Variants in LRMDA observed in about 807,000 individuals in gnomAD.
LRMDA encodes leucine-rich melanocyte differentiation-associated protein.
LRMDA carries 18 observed loss-of-function variants against 29.8 expected under a neutral mutation model. That is an observed-to-expected ratio of 0.60 (90% CI 0.42 to 0.90). The LOEUF (loss-of-function observed/expected upper bound fraction) is 0.90, where lower values mean the gene tolerates loss of function less well. Ranked by LOEUF, LRMDA falls within the 40% of genes least tolerant of loss-of-function variation. The probability of loss-of-function intolerance (pLI) is 0.00; values close to 1 mark genes in which losing one functional copy is unlikely to be tolerated. For synonymous variants in LRMDA, 125 were observed against 109.4 expected, an observed-to-expected ratio of 1.14 and a Z score of -0.89; for missense variants, 273 against 273.9, an observed-to-expected ratio of 1.00 and a Z score of 0.02.
At chr10:76,221,608 T>G (rs867574777) in intron 5 of LRMDA, among the ~76,000 whole-genome samples, 11 of 152,150 alleles carry the variant, frequency 7.2e-5, no homozygotes, top group South Asian at 4.2e-4. Flanking sequence ...ACTGCTCAAT[T>G]AAATAAAAGA....
intron 2 of LRMDA, among the ~76,000 whole-genome samples, chr10:75,667,519 C>T (rs1227734225): frequency 1.3e-5 from 2 of 152,160 alleles, no homozygotes; most frequent in African/African-American, 2.4e-5. Flanking sequence ...AGGTTGGTCT[C>T]AAACTCCTGG....
At chr10:76,105,370 C>T (rs1427266258) in intron 5 of LRMDA, among the ~76,000 whole-genome samples, 1 of 151,912 alleles carries the variant, frequency 6.6e-6, no homozygotes, top group East Asian at 1.9e-4. Flanking sequence ...GTGCCTTCCA[C>T]CCCAGAAGAT....
At chr10:75,581,230 AC>A (rs1402125999) in intron 2 of LRMDA, among the ~76,000 whole-genome samples, 1 of 152,248 alleles carries the variant, frequency 6.6e-6, no homozygotes, top group Non-Finnish European at 1.5e-5. Flanking sequence ...TGAGAAAAAA[AC>A]AACCCCATCA....
At chr10:76,458,581 T>A (rs552761574) in intron 6 of LRMDA, among the ~76,000 whole-genome samples, 16 of 152,294 alleles carry the variant, frequency 1.1e-4, no homozygotes, top group African/African-American at 3.8e-4. Flanking sequence ...CTCTGTCTCT[T>A]GGATGAGAGC....
chr10:75,509,132 T>G (rs1025626287), intron 2 of LRMDA, among the ~76,000 whole-genome samples: 1 of 152,198 alleles, frequency 6.6e-6, no homozygotes, highest in Non-Finnish European at 1.5e-5. Flanking sequence ...TTTAGGGTGG[T>G]GACAGTGGGA....
intron 2 of LRMDA, among the ~76,000 whole-genome samples, chr10:75,597,832 T>C (rs188277980): frequency 3.0e-4 from 46 of 152,232 alleles, no homozygotes; most frequent in African/African-American, 1.1e-3. Flanking sequence ...CTGGGCGCTT[T>C]TATGTTGTTG....
At chr10:75,737,620 T>C (rs564845944) in intron 2 of LRMDA, among the ~76,000 whole-genome samples, 2 of 152,292 alleles carry the variant, frequency 1.3e-5, no homozygotes, top group Admixed American at 1.3e-4. Flanking sequence ...CCTCATTGAC[T>C]CTCCCTTCAC....
At chr10:75,478,390 G>A (rs1336348223) in intron 2 of LRMDA, among the ~76,000 whole-genome samples, 1 of 152,198 alleles carries the variant, frequency 6.6e-6, no homozygotes, top group African/African-American at 2.4e-5. Flanking sequence ...ATTTTTGCCT[G>A]TCAACAGCGA....
chr10:76,194,673 T>C (rs1851303193), intron 5 of LRMDA, among the ~76,000 whole-genome samples: 1 of 152,210 alleles, frequency 6.6e-6, no homozygotes, highest in Non-Finnish European at 1.5e-5. Flanking sequence ...AGTTATTCAC[T>C]GGAAGTGCTC....
intron 2 of LRMDA, among the ~76,000 whole-genome samples, chr10:75,720,137 T>C (rs1215831124): frequency 3.3e-5 from 5 of 152,204 alleles, no homozygotes; most frequent in African/African-American, 1.2e-4. Context: ...GTAATATAGA[T>C]TATTGAGTCT....
chr10:76,189,428 T>C (rs1264565862), intron 5 of LRMDA, among the ~76,000 whole-genome samples: 1 of 152,214 alleles, frequency 6.6e-6, no homozygotes. Context: ...TGTTGGGTAC[T>C]GCACAGCATC....
rs371766970 is a variant in LRMDA, at chr10:75,548,388, T to C, written c.131+109894T>C. 3.9e-5 allele frequency among the ~76,000 whole-genome samples: 6 copies of C among 152,304 alleles called. No individual in the cohort carries two copies. The East Asian group carries it at 1.2e-3, about 29-fold the overall frequency. ...CTAGAAGGCCACTCTGTGTCCTGAA[T>C]TTGCCCAAGGGAGAGTTTTGGGAGT... On this transcript the variant is annotated intron_variant, in intron 2 of 6. Coordinates refer to ENST00000611255, the MANE Select transcript of LRMDA (RefSeq NM_001305581.2).
intron 5 of LRMDA, among the ~76,000 whole-genome samples, chr10:76,276,098 G>C (rs909087834): frequency 1.4e-5 from 2 of 138,862 alleles, no homozygotes; most frequent in African/African-American, 5.3e-5. Flanking sequence ...TCTTTCTTTT[G>C]TTAATTCTTT....
At chr10:76,009,063 C>T (rs1847725533) in intron 2 of LRMDA, among the ~76,000 whole-genome samples, 1 of 152,208 alleles carries the variant, frequency 6.6e-6, no homozygotes. Context: ...GGGATGGCAG[C>T]AGGTTGCTCA....
intron 2 of LRMDA, among the ~76,000 whole-genome samples, chr10:76,010,528 G>T (rs1386149418): frequency 6.6e-6 from 1 of 152,048 alleles, no homozygotes; most frequent in Non-Finnish European, 1.5e-5. Flanking sequence ...TAACCAGGAT[G>T]GTCTCGATCT....
At chr10:76,535,665 T>C (rs745469581) in intron 6 of LRMDA, 2 of 152,162 alleles carry the variant, frequency 1.3e-5, no homozygotes, top group African/African-American at 2.4e-5. Context: ...AAATAGTACA[T>C]TAAACATACA....
chr10:75,631,599 CT>C (rs143045989), intron 2 of LRMDA, among the ~76,000 whole-genome samples: 6 of 152,176 alleles, frequency 3.9e-5, no homozygotes, highest in African/African-American at 1.4e-4. Context: ...TTCCAAACTC[CT>C]GTGGGTGTGT....
chr10:76,513,804 G>A (rs528555286), intron 6 of LRMDA, among the ~76,000 whole-genome samples: 16 of 152,284 alleles, frequency 1.1e-4, no homozygotes, highest in African/African-American at 3.4e-4. Context: ...TCTTTTGGTG[G>A]CAGAGGGATA....
chr10:76,516,668 G>A (rs577310975), intron 6 of LRMDA, among the ~76,000 whole-genome samples: 48 of 152,162 alleles, frequency 3.2e-4, no homozygotes, highest in South Asian at 2.5e-3. Context: ...CAAAGGACAC[G>A]AACTCTTCAT....
Sources: allele counts gnomAD v4.1 joint callset (sites outside exome capture counted in the v4.1 genomes callset), GRCh38; gene constraint gnomAD v4.1.1; transcripts MANE v1.5; gene names NCBI Gene and HGNC (gene_info 2026-07-23, HGNC 2026-07-21).